Variants in MPPED2 observed in about 807,000 individuals in gnomAD.
MPPED2 encodes the protein metallophosphoesterase domain containing 2.
In MPPED2, 5 loss-of-function variants were observed where a neutral mutation model predicts 33.0. The ratio of observed to expected loss-of-function variants is 0.15; its 90% CI spans 0.08 to 0.32. The LOEUF (loss-of-function observed/expected upper bound fraction) is 0.32, where lower values mean the gene tolerates loss of function less well. Ranked by LOEUF, MPPED2 falls within the 10% of genes least tolerant of loss-of-function variation. The probability of loss-of-function intolerance (pLI) is 1.00; values close to 1 mark genes in which losing one functional copy is unlikely to be tolerated. For synonymous variants in MPPED2, 136 were observed against 141.9 expected (o/e 0.96, Z 0.29); for missense variants, 275 against 372.1 (o/e 0.74, Z 2.15).
chr11:30,535,281 T>C lies in MPPED2; in HGVS notation c.310+713A>G, dbSNP rs928218970. On this transcript the variant is annotated intron_variant, in intron 3 of 6. Transcript: ENST00000358117. ...GTGACGTCTGCTCTTTACTATATAA[T>C]TCTTTCGTCTTTAGGGATTCTAAAA... Among the ~76,000 whole-genome samples, 12 of 151,992 alleles carry C rather than the reference T, an allele frequency of 7.9e-5. No individual in the cohort carries two copies. In the South Asian group the frequency reaches 2.5e-3, roughly 32 times the overall value.
chr11:30,506,600 T>C (rs1952839904), intron 3 of MPPED2, among the ~76,000 whole-genome samples: 1 of 152,202 alleles, frequency 6.6e-6, no homozygotes, highest in African/African-American at 2.4e-5. Context: ...ATTATTCTAC[T>C]GAATAACTAG....
chr11:30,480,555 T>G (rs1951437505), intron 4 of MPPED2, among the ~76,000 whole-genome samples: 1 of 152,136 alleles, frequency 6.6e-6, no homozygotes, highest in Non-Finnish European at 1.5e-5. Flanking sequence ...AAGCACTTAT[T>G]AAACTATCTC....
chr11:30,419,951 T>C (rs1053893395), intron 4 of MPPED2, among the ~76,000 whole-genome samples: 3 of 152,230 alleles, frequency 2.0e-5, no homozygotes, highest in African/African-American at 4.8e-5. Flanking sequence ...TTGTTCTTTT[T>C]ATTAACTTTA....
At chr11:30,408,420 T>TCCTA (rs1265548834), downstream of MPPED2, among the ~76,000 whole-genome samples, 6 of 152,212 alleles carry the variant, frequency 3.9e-5, no homozygotes, top group African/African-American at 1.4e-4. Flanking sequence ...CAAGTGATTC[T>TCCTA]CCTACCTCAG....
Position 30,555,798 on chromosome 11 carries a change from A to G in MPPED2, c.129-19623T>C, listed in dbSNP as rs373675904. ...CTTCATAGCAGTATGAAAATGGACT[A>G]ATACAATGAGTATGTCTATGAACCA... On this transcript the variant is annotated intron_variant, in intron 2 of 6. Transcript: ENST00000358117. 1.7e-4 allele frequency among the ~76,000 whole-genome samples: 26 copies of G among 152,288 alleles called. No homozygotes were observed. In the East Asian group the frequency reaches 2.1e-3, roughly 12 times the overall value.
Position 30,500,897 on chromosome 11 carries a change from C to T in MPPED2, c.311-5376G>A, listed in dbSNP as rs969007581. Among the ~76,000 whole-genome samples the T allele has an allele frequency of 4.6e-5, 7 of 152,284 alleles. No homozygotes were observed. The East Asian group carries it at 5.8e-4, about 13-fold the overall frequency. On this transcript the variant is annotated intron_variant, in intron 3 of 6. Coordinates refer to ENST00000358117, the MANE Select transcript of MPPED2 (RefSeq NM_001584.3). The stretch of plus-strand genomic sequence containing the variant: ...TAACTTCCATAGAATTCCAGGAACT[C>T]GGGTTGTCATCTTGGGCTATGGTAA...
At chr11:30,527,149 C>G (rs1225712605) in intron 3 of MPPED2, among the ~76,000 whole-genome samples, 5 of 151,882 alleles carry the variant, frequency 3.3e-5, no homozygotes, top group Non-Finnish European at 7.4e-5. Flanking sequence ...CCAAGATGGT[C>G]TCGATCTCCT....
chr11:30,490,264 C>T (rs1336516), intron 4 of MPPED2, among the ~76,000 whole-genome samples: 46,656 of 151,878 alleles, frequency 0.31, 7,593 homozygotes, highest in Middle Eastern at 0.44. Context: ...TCCCATGGTA[C>T]GAAGTATGTA....
At chr11:30,436,158 T>C (rs75480301) in intron 4 of MPPED2, among the ~76,000 whole-genome samples, 2,318 of 151,998 alleles carry the variant, frequency 0.015, 71 homozygotes, top group African/African-American at 0.053. Flanking sequence ...CTTTAGAGTC[T>C]GTAAACTCTC....
intron 3 of MPPED2, among the ~76,000 whole-genome samples, chr11:30,535,212 A>G (rs1000787401): frequency 1.3e-5 from 2 of 152,142 alleles, no homozygotes; most frequent in Non-Finnish European, 2.9e-5. Flanking sequence ...CTCCCAAGTT[A>G]TTTTTGTTGG....
intron 6 of MPPED2, among the ~76,000 whole-genome samples, chr11:30,413,115 C>T (rs1948185367): frequency 6.6e-6 from 1 of 152,214 alleles, no homozygotes; most frequent in South Asian, 2.1e-4. Context: ...CAGCTGGTAC[C>T]TGCCCTTGGA....
At chr11:30,448,863 G>A (rs974073620) in intron 4 of MPPED2, among the ~76,000 whole-genome samples, 3 of 151,868 alleles carry the variant, frequency 2.0e-5, no homozygotes, top group African/African-American at 7.3e-5. Flanking sequence ...CTCCATGTTG[G>A]TCAGGATCTC....
chr11:30,514,658 C>T (rs1379820830), intron 3 of MPPED2, among the ~76,000 whole-genome samples: 2 of 152,182 alleles, frequency 1.3e-5, no homozygotes, highest in Non-Finnish European at 2.9e-5. Context: ...ATACCTTCTG[C>T]TTCTTACAAC....
intron 4 of MPPED2, among the ~76,000 whole-genome samples, chr11:30,479,165 C>T (rs1951364112): frequency 6.6e-6 from 1 of 151,852 alleles, no homozygotes; most frequent in Admixed American, 6.6e-5. Flanking sequence ...TCACACTGGC[C>T]AAAAGGGTGG....
chr11:30,387,012 T>C (rs1235248474), exon 7 of MPPED2: 5 of 370,500 alleles, frequency 1.3e-5, no homozygotes, highest in Non-Finnish European at 2.4e-5. Context: ...ACATAGTTAG[T>C]AGTGATGGAA....
chr11:30,436,434 G>A (rs1293050122), intron 4 of MPPED2, among the ~76,000 whole-genome samples: 2 of 152,182 alleles, frequency 1.3e-5, no homozygotes, highest in Non-Finnish European at 2.9e-5. Context: ...TGGGACCAGA[G>A]TTTAAGAAGC....
chr11:30,497,048 G>T (rs1236307083), intron 3 of MPPED2, among the ~76,000 whole-genome samples: 1 of 152,108 alleles, frequency 6.6e-6, no homozygotes, highest in Admixed American at 6.6e-5. Flanking sequence ...AGCAGCAATG[G>T]ATATCTTTGA....
intron 4 of MPPED2, among the ~76,000 whole-genome samples, chr11:30,447,998 T>C (rs964827711): frequency 2.5e-4 from 38 of 152,082 alleles, no homozygotes; most frequent in African/African-American, 8.2e-4. Flanking sequence ...TTCAGGGAGT[T>C]TACAAAACTG....
chr11:30,395,044 C>T (rs1947823670), intron 6 of MPPED2, among the ~76,000 whole-genome samples: 2 of 152,170 alleles, frequency 1.3e-5, no homozygotes, highest in Admixed American at 1.3e-4. Flanking sequence ...TTCTATTCTA[C>T]TCCACTGCAG....
Sources: gnomAD v4.1 joint callset for allele counts (sites outside exome capture counted in the v4.1 genomes callset) on GRCh38, gnomAD v4.1.1 for gene constraint, MANE v1.5 for transcripts, NCBI Gene and HGNC (gene_info 2026-07-23, HGNC 2026-07-21) for gene names.